The following BCAS3 variants were observed in gnomAD, a reference collection of about 807,000 sequenced individuals.
BCAS3 encodes the protein BCAS4/BCAS3 fusion.
A neutral mutation model predicts 116.1 loss-of-function variants in BCAS3; 53 were observed. The observed-to-expected ratio is 0.46, with a 90% CI of 0.37 to 0.57. The LOEUF (loss-of-function observed/expected upper bound fraction) is 0.57, where lower values mean the gene tolerates loss of function less well. Ranked by LOEUF, BCAS3 falls within the 20% of genes least tolerant of loss-of-function variation. BCAS3 has a pLI of 0.00. For synonymous variants in BCAS3, 391 were observed against 408.2 expected (o/e 0.96, Z 0.51); for missense variants, 917 against 1,165.4 (o/e 0.79, Z 3.10).
At chr17:60,737,187 G>A (rs1348336044) in intron 5 of BCAS3, among the ~76,000 whole-genome samples, 4 of 151,992 alleles carry the variant, frequency 2.6e-5, no homozygotes, top group African/African-American at 9.7e-5. Context: ...TGATTCACCT[G>A]CCTCGGCCTC....
intron 6 of BCAS3, among the ~76,000 whole-genome samples, chr17:60,787,870 C>T (rs368107000): frequency 6.0e-5 from 9 of 150,224 alleles, no homozygotes; most frequent in East Asian, 5.9e-4. Flanking sequence ...GAGATATTGG[C>T]ACCATGGTAA....
At position 61,327,259 on chromosome 17, in the gene BCAS3, A is replaced by G. The variant is rs1453685330; in HGVS notation, c.2426-41068A>G. Among the ~76,000 whole-genome samples, 1 of 152,120 alleles carries G rather than the reference A, an allele frequency of 6.6e-6. No individual in the cohort carries two copies. The highest frequency in any genetic ancestry group is 1.9e-4 in the East Asian group (1 of 5,192). On this transcript the variant is annotated intron_variant, in intron 22 of 23. Transcript: ENST00000407086. This position sits in a 1 kb window ranked among gnomAD's most constrained non-coding sequence, Gnocchi z 5.9. The stretch of plus-strand genomic sequence containing the variant: ...AGAGGTTGCAGTGAGCCAAGATTGC[A>G]CCATTGCACTTCAGCCTGGCAACAG...
At chr17:60,683,774 G>A (rs1031081592) in intron 2 of BCAS3, among the ~76,000 whole-genome samples, 24 of 151,808 alleles carry the variant, frequency 1.6e-4, no homozygotes, top group African/African-American at 5.6e-4. Context: ...CGAGGGAGCA[G>A]TGAGCCGAGA....
intron 22 of BCAS3, among the ~76,000 whole-genome samples, chr17:61,342,786 C>G (rs1244909923): frequency 1.3e-5 from 2 of 149,240 alleles, no homozygotes; most frequent in Admixed American, 6.7e-5. Context: ...AAGTCTCCCT[C>G]TGTAGCCCAG....
chr17:61,177,659 G>A (rs1281059061), intron 22 of BCAS3, among the ~76,000 whole-genome samples: 1 of 152,168 alleles, frequency 6.6e-6, no homozygotes, highest in Non-Finnish European at 1.5e-5. Flanking sequence ...GTATACATAT[G>A]TTAAAACTTG....
chr17:61,313,906 C>T lies in BCAS3; in HGVS notation c.2426-54421C>T, dbSNP rs892721265. On this transcript the variant is annotated intron_variant, in intron 22 of 23. Transcript: ENST00000407086. This position sits in a 1 kb window ranked among gnomAD's most constrained non-coding sequence, Gnocchi z 4.3. Reference sequence around the variant, plus strand: ...GTCTCCTCCACCAGCCCCACTCGCCCGGCCCCATACTTAGTGCTGGCTCCA... The same window carrying T: ...GTCTCCTCCACCAGCCCCACTCGCCTGGCCCCATACTTAGTGCTGGCTCCA... 3.5e-4 allele frequency among the ~76,000 whole-genome samples: 54 copies of T among 152,308 alleles called. No individual in the cohort carries two copies. Among genetic ancestry groups the T allele is most frequent in the African/African-American group, 1.2e-3 (50 of 41,552 alleles).
chr17:60,679,615 G>A, intron 2 of BCAS3, 75 bp downstream of exon 2: 2 of 1,194,692 alleles, frequency 1.7e-6, no homozygotes, highest in African/African-American at 1.5e-5. Context: ...TTTTCTTTAT[G>A]AACAGTGGTT....
Position 61,128,078 on chromosome 17 carries a change from A to C in BCAS3, c.2425+43514A>C, listed in dbSNP as rs1336579940. The C allele has an allele frequency of 2.0e-6, 1 of 506,682 alleles. No individual in the cohort carries two copies. Among genetic ancestry groups the C allele is most frequent in the East Asian group, 1.5e-4 (1 of 6,666 alleles). 31.4% of individuals were successfully genotyped at this position (506,682 alleles called of 1,614,324 possible). On this transcript the variant is annotated intron_variant, in intron 22 of 23. Coordinates refer to ENST00000407086, the MANE Select transcript of BCAS3 (RefSeq NM_017679.5). This position sits in a 1 kb window ranked among gnomAD's most constrained non-coding sequence, Gnocchi z 4.1. ...CAGAAAATGTGATTAAGGAGTTTGA[A>C]TGTAATTACCCAAAGTTTGGCTTTT... is the stretch of plus-strand genomic sequence containing the variant.
rs749026077 is a variant in BCAS3, at chr17:61,083,771, T to G, written c.2328-696T>G. Among the ~76,000 whole-genome samples the G allele has an allele frequency of 5.9e-5, 9 of 152,062 alleles. No individual in the cohort carries two copies. Among genetic ancestry groups the G allele is most frequent in the Non-Finnish European group, 1.2e-4 (8 of 68,014 alleles). ...CCACCACACCCGGCTAATTTTTGCA[T>G]TTTTAGTAGAGACGGGGCTTCACCG... On this transcript the variant is annotated intron_variant, in intron 21 of 23. Transcript: ENST00000407086. This position sits in a 1 kb window ranked among gnomAD's most constrained non-coding sequence, Gnocchi z 4.9.
intron 5 of BCAS3, 74 bp downstream of exon 5, chr17:60,709,399 T>G (rs1371850936): frequency 1.1e-6 from 1 of 895,270 alleles, no homozygotes; most frequent in Non-Finnish European, 1.7e-6. Flanking sequence ...TGTAGATACT[T>G]TTTTTTTTTG....
chr17:61,372,236 G>T (rs187394864), intron 23 of BCAS3, among the ~76,000 whole-genome samples: 7 of 152,280 alleles, frequency 4.6e-5, no homozygotes, highest in African/African-American at 1.7e-4. Context: ...ATCTTTTGCA[G>T]CAAAAGACAG....
intron 2 of BCAS3, among the ~76,000 whole-genome samples, chr17:60,681,855 G>A (rs1417324969): frequency 1.3e-5 from 2 of 151,964 alleles, no homozygotes; most frequent in South Asian, 2.1e-4. Context: ...TCAGCCTCCC[G>A]ATTAGCTGGG....
chr17:60,814,587 T>A (rs2049194291), intron 7 of BCAS3, among the ~76,000 whole-genome samples: 1 of 152,180 alleles, frequency 6.6e-6, no homozygotes, highest in African/African-American at 2.4e-5. Context: ...TGGCAAACAG[T>A]AGCTTCTTAA....
Position 61,323,474 on chromosome 17 carries a change from G to A in BCAS3, c.2426-44853G>A, listed in dbSNP as rs2055480607. Among the ~76,000 whole-genome samples, 1 of 152,174 alleles carries A rather than the reference G, an allele frequency of 6.6e-6. No individual in the cohort carries two copies. On this transcript the variant is annotated intron_variant, in intron 22 of 23. Transcript: ENST00000407086. This position sits in a 1 kb window ranked among gnomAD's most constrained non-coding sequence, Gnocchi z 4.6. Reference sequence around the variant, plus strand: ...TGGCCCTGAACGGACTTAGGATTTGGTTTTCTACTCTGTGAACTGAAGCTA... The same window carrying A: ...TGGCCCTGAACGGACTTAGGATTTGATTTTCTACTCTGTGAACTGAAGCTA...
In BCAS3 at chr17:61,227,665, A is replaced by G. The variant is rs2144413918; in HGVS notation, c.2426-140662A>G. 6.6e-6 allele frequency among the ~76,000 whole-genome samples: 1 copy of G among 152,338 alleles called. No individual in the cohort carries two copies. The highest frequency in any genetic ancestry group is 2.4e-5 in the African/African-American group (1 of 41,580). ...TTGGGCATAGGTCCTGTTAATTTAC[A>G]CCAGCCCATCAGGTTGGAGCACACT... On this transcript the variant is annotated intron_variant, in intron 22 of 23. Transcript: ENST00000407086. This position sits in a 1 kb window ranked among gnomAD's most constrained non-coding sequence, Gnocchi z 6.1.
At chr17:61,305,541 T>C (rs1425948302) in intron 22 of BCAS3, among the ~76,000 whole-genome samples, 1 of 152,234 alleles carries the variant, frequency 6.6e-6, no homozygotes, top group Non-Finnish European at 1.5e-5. Flanking sequence ...TGGTAAGGAT[T>C]AAATGAGGTC....
In BCAS3 at chr17:60,960,285, C is replaced by T. The variant is rs2061351531; in HGVS notation, c.1221+12933C>T. On this transcript the variant is annotated intron_variant, in intron 14 of 23. Transcript: ENST00000407086. The surrounding 1 kb of genome is among the most constrained non-coding windows in gnomAD (Gnocchi z 4.1). ...ATTTTTTTTAAAAATATTATCGGCTCAAAGGTCCAATCTTATCATCTCAAT... is the reference window on the plus strand; with the variant it reads ...ATTTTTTTTAAAAATATTATCGGCTTAAAGGTCCAATCTTATCATCTCAAT... Among the ~76,000 whole-genome samples the T allele has an allele frequency of 6.6e-6, 1 of 152,092 alleles. No homozygotes were observed. Among genetic ancestry groups the T allele is most frequent in the African/African-American group, 2.4e-5 (1 of 41,400 alleles).
intron 14 of BCAS3, among the ~76,000 whole-genome samples, chr17:60,971,337 T>C (rs2061947186): frequency 6.6e-6 from 1 of 152,082 alleles, no homozygotes; most frequent in Admixed American, 6.6e-5. Flanking sequence ...AAGGACCAGA[T>C]AATAAGTATC....
chr17:60,872,867 T>G (rs2055257801), intron 8 of BCAS3, among the ~76,000 whole-genome samples: 1 of 152,008 alleles, frequency 6.6e-6, no homozygotes. Context: ...TACTTTCTCT[T>G]TGGTTCCATT....
Sources: gnomAD v4.1 joint callset for allele counts (sites outside exome capture counted in the v4.1 genomes callset) on GRCh38, gnomAD v4.1.1 for gene constraint, Gnocchi (gnomAD v3.1) non-coding constraint, MANE v1.5 for transcripts, NCBI Gene and HGNC (gene_info 2026-07-23, HGNC 2026-07-21) for gene names.